The following PTCHD4 variants were observed in gnomAD, a reference collection of about 807,000 sequenced individuals.
PTCHD4 encodes patched domain containing 4, also known as patched domain-containing protein 4.
A neutral mutation model predicts 58.1 loss-of-function variants in PTCHD4; 33 were observed. That is an observed-to-expected ratio of 0.57 (90% CI 0.43 to 0.76). The LOEUF (loss-of-function observed/expected upper bound fraction) is 0.76. Ranked by LOEUF, PTCHD4 falls within the 30% of genes least tolerant of loss-of-function variation. The pLI, the probability that PTCHD4 is intolerant of heterozygous loss-of-function variation, is 0.00. For synonymous variants in PTCHD4, 478 were observed against 409.6 expected (o/e 1.17, Z -2.02); for missense variants, 1,058 against 1,027.1 (o/e 1.03, Z -0.41).
rs115633692 is a variant in PTCHD4, at chr6:47,936,338, G to A, written c.899-56402C>T. On this transcript the variant is annotated intron_variant, in intron 4 of 4. Coordinates refer to ENST00000339488, the MANE Select transcript of PTCHD4 (RefSeq NM_001384253.1). Reference sequence around the variant, plus strand: ...ACATTGGACACCCCCTGGATAATTAGGAAGAGTGCTTTCTTTCACTCTAAA... The same window carrying A: ...ACATTGGACACCCCCTGGATAATTAAGAAGAGTGCTTTCTTTCACTCTAAA... Among the ~76,000 whole-genome samples, 217 of 152,276 alleles carry A rather than the reference G, an allele frequency of 1.4e-3. 2 individuals carry two copies. Among genetic ancestry groups the A allele is most frequent in the African/African-American group, 5.1e-3 (212 of 41,548 alleles).
chr6:47,910,351 G>A lies in PTCHD4; in HGVS notation c.899-30415C>T, dbSNP rs191227778. ...CATTAGTTCAAACCTGTGTCTGTTAGCCCCCTATAACTTGAACAACCACAG... is the reference window on the plus strand; with the variant it reads ...CATTAGTTCAAACCTGTGTCTGTTAACCCCCTATAACTTGAACAACCACAG... On this transcript the variant is annotated intron_variant, in intron 4 of 4. Coordinates refer to ENST00000339488, the MANE Select transcript of PTCHD4 (RefSeq NM_001384253.1). Among the ~76,000 whole-genome samples the A allele has an allele frequency of 7.1e-4, 108 of 152,194 alleles. 1 individual carries two copies. The highest frequency in any genetic ancestry group is 2.5e-3 in the African/African-American group (103 of 41,530).
intron 3 of PTCHD4, among the ~76,000 whole-genome samples, chr6:48,043,313 C>T (rs1472801144): frequency 2.0e-5 from 3 of 151,844 alleles, no homozygotes; most frequent in Non-Finnish European, 4.4e-5. Context: ...TCTGTATTTA[C>T]AATATTAGTA....
At chr6:47,906,360 T>C (rs1764885757) in intron 4 of PTCHD4, among the ~76,000 whole-genome samples, 1 of 152,224 alleles carries the variant, frequency 6.6e-6, no homozygotes, top group Admixed American at 6.5e-5. Context: ...CCTCAGTCTT[T>C]TCCTTGCCCT....
intron 4 of PTCHD4, among the ~76,000 whole-genome samples, chr6:47,906,486 T>C (rs1179926236): frequency 6.6e-6 from 1 of 152,144 alleles, no homozygotes; most frequent in Non-Finnish European, 1.5e-5. Context: ...CCATATACTC[T>C]GGTTCTTTTG....
intron 4 of PTCHD4, chr6:47,901,950 G>A: frequency 2.3e-6 from 3 of 1,286,712 alleles, no homozygotes; most frequent in Non-Finnish European, 3.1e-6. Context: ...AAAATAGTAT[G>A]AGCAAGTCAG....
intron 1 of PTCHD4, among the ~76,000 whole-genome samples, chr6:48,079,610 A>T (rs1765124942): frequency 6.6e-6 from 1 of 151,260 alleles, no homozygotes; most frequent in African/African-American, 2.4e-5. Flanking sequence ...TGGCACAGAG[A>T]GAGTGTTCTA....
In PTCHD4 at chr6:47,868,392, GA is replaced by G. The variant is rs1415264474; in HGVS notation, c.*9910del. Among the ~76,000 whole-genome samples, 1 of 151,558 alleles carries G rather than the reference GA, an allele frequency of 6.6e-6. No individual in the cohort carries two copies. Among genetic ancestry groups the G allele is most frequent in the Non-Finnish European group, 1.5e-5 (1 of 67,752 alleles). On this transcript the variant is annotated 3_prime_UTR_variant, in exon 5 of 5. Coordinates refer to ENST00000339488, the MANE Select transcript of PTCHD4 (RefSeq NM_001384253.1). ...TAACTGGCTATATAGGAAAATTCAA[GA>G]AAATGAAACAAAACAACAACAAAAG... is the stretch of plus-strand genomic sequence containing the variant.
In PTCHD4 at chr6:47,879,930, C is replaced by T; in HGVS notation, c.905G>A (p.Gly302Glu). The T allele has an allele frequency of 1.3e-6, 2 of 1,526,858 alleles. No individual in the cohort carries two copies. The highest frequency in any genetic ancestry group is 1.8e-6 in the Non-Finnish European group (2 of 1,139,122). 94.6% of individuals were successfully genotyped at this position (1,526,858 alleles called of 1,614,324 possible). The change falls in exon 5 of 5, where the codon GGA becomes GAA. Residue 302 changes from glycine to glutamate, a missense_variant. Physicochemically the swap from Gly to Glu is moderately conservative, Grantham distance 98. Coordinates refer to ENST00000339488, the MANE Select transcript of PTCHD4 (RefSeq NM_001384253.1). ...LGIPFFAMGH[G>E]TKGVFELLSG... is the part of the protein sequence containing the mutation. ...CAGAAGCTCAAACACTCCTTTAGTT[C>T]CATGACCTAATGTTTTAAAAAAAGA...
chr6:47,966,193 C>T (rs1767284671), intron 4 of PTCHD4, among the ~76,000 whole-genome samples: 2 of 152,164 alleles, frequency 1.3e-5, no homozygotes, highest in Non-Finnish European at 2.9e-5. Context: ...GATTATATAG[C>T]AGGTTCAGTT....
At chr6:47,928,619 C>A (rs574032807) in intron 4 of PTCHD4, among the ~76,000 whole-genome samples, 1 of 152,292 alleles carries the variant, frequency 6.6e-6, no homozygotes, top group East Asian at 1.9e-4. Context: ...AAGAATTGAT[C>A]TGTCTTTGTT....
Position 47,874,315 on chromosome 6 carries a change from T to A in PTCHD4, c.*3988A>T, listed in dbSNP as rs988836132. 2.0e-5 allele frequency among the ~76,000 whole-genome samples: 3 copies of A among 151,714 alleles called. No homozygotes were observed. Among genetic ancestry groups the A allele is most frequent in the African/African-American group, 7.2e-5 (3 of 41,380 alleles). Reference sequence around the variant, plus strand: ...TTAAGACCAAAAGCCATGAGGCATTTATGAATAGGTGATGTAAGAAATTTT... The same window carrying A: ...TTAAGACCAAAAGCCATGAGGCATTAATGAATAGGTGATGTAAGAAATTTT... On this transcript the variant is annotated 3_prime_UTR_variant, in exon 5 of 5. Transcript: ENST00000339488.
chr6:47,902,768 G>T (rs889054180), intron 4 of PTCHD4, among the ~76,000 whole-genome samples: 3 of 152,076 alleles, frequency 2.0e-5, no homozygotes, highest in African/African-American at 7.2e-5. Flanking sequence ...AGCCAATTTT[G>T]TATGTCCATA....
chr6:47,919,684 A>C (rs548336433), intron 4 of PTCHD4, among the ~76,000 whole-genome samples: 3 of 152,308 alleles, frequency 2.0e-5, no homozygotes, highest in African/African-American at 7.2e-5. Flanking sequence ...CATTTTGTGT[A>C]ATCCCAGAGG....
At chr6:48,015,126 T>C (rs184521514) in intron 3 of PTCHD4, among the ~76,000 whole-genome samples, 34 of 150,760 alleles carry the variant, frequency 2.3e-4, no homozygotes, top group African/African-American at 8.5e-4. Context: ...AAGACAAGTC[T>C]TAAAGTAAGA....
rs1314252015 is a variant in PTCHD4 at position 47,870,020 on chromosome 6, C to A, written c.*8283G>T. Among the ~76,000 whole-genome samples, 1 of 151,564 alleles carries A rather than the reference C, an allele frequency of 6.6e-6. No homozygotes were observed. ...TTGTGATTGTGATTTTAAAAGACCT[C>A]ATATTTGACCCTAAGAACTATAGAA... On this transcript the variant is annotated 3_prime_UTR_variant, in exon 5 of 5. Transcript: ENST00000339488.
chr6:47,963,231 T>C (rs1298309734), intron 4 of PTCHD4, among the ~76,000 whole-genome samples: 2 of 151,882 alleles, frequency 1.3e-5, no homozygotes, highest in Non-Finnish European at 2.9e-5. Context: ...CCAACAAATA[T>C]ATATAAAGAT....
At chr6:47,979,921 C>T (rs1444303648) in intron 4 of PTCHD4, among the ~76,000 whole-genome samples, 1 of 151,988 alleles carries the variant, frequency 6.6e-6, no homozygotes, top group Non-Finnish European at 1.5e-5. Flanking sequence ...TGCATTTTTA[C>T]TTACTAAATC....
At chr6:48,041,249 T>G (rs1362139794) in intron 3 of PTCHD4, among the ~76,000 whole-genome samples, 1 of 152,076 alleles carries the variant, frequency 6.6e-6, no homozygotes, top group Non-Finnish European at 1.5e-5. Flanking sequence ...TCAGTCCTGC[T>G]ACCACCTCTT....
At chr6:47,907,324 A>C (rs1211759719) in intron 4 of PTCHD4, among the ~76,000 whole-genome samples, 1 of 152,174 alleles carries the variant, frequency 6.6e-6, no homozygotes, top group African/African-American at 2.4e-5. Flanking sequence ...GGCTTTGTTA[A>C]TGATTATAAT....
Sources: allele counts gnomAD v4.1 joint callset (sites outside exome capture counted in the v4.1 genomes callset), GRCh38; gene constraint gnomAD v4.1.1; transcripts MANE v1.5; gene names NCBI Gene and HGNC (gene_info 2026-07-23, HGNC 2026-07-21).